The following COL11A1 variants were observed in gnomAD, a reference collection of about 807,000 sequenced individuals.
COL11A1 encodes the protein collagen alpha-1(XI) chain.
Under a neutral mutation model 265.2 loss-of-function variants are expected in COL11A1, and 74 were observed. That is an observed-to-expected ratio of 0.28 (90% CI 0.23 to 0.34). COL11A1 has a LOEUF of 0.34. COL11A1 is among the 10% of genes least tolerant of loss of function. The pLI is 1.00. For missense variants in COL11A1, 2,165 were observed against 2,263.6 expected, an observed-to-expected ratio of 0.96 and a Z score of 0.88; for synonymous variants, 816 against 727.6, an observed-to-expected ratio of 1.12 and a Z score of -1.96.
chr1:102,955,598 C>A (rs1660298140), intron 41 of COL11A1, among the ~76,000 whole-genome samples: 1 of 152,022 alleles, frequency 6.6e-6, no homozygotes, highest in South Asian at 2.1e-4. Flanking sequence ...AGATAAATAA[C>A]TGTTGTTAAT....
In COL11A1 at chr1:102,878,475, CATATATATAT is replaced by C. The variant is rs57574729; in HGVS notation, c.5275-320_5275-311del. 1.9e-3 allele frequency among the ~76,000 whole-genome samples: 95 copies of C among 49,876 alleles called. 2 individuals carry two copies. The highest frequency in any genetic ancestry group is 4.6e-3 in the African/African-American group (84 of 18,204). 32.7% of individuals were successfully genotyped at this position (49,876 alleles called of 152,430 possible). A position where few individuals can be genotyped will look rare whatever the true frequency, so the allele number is the denominator to read the frequency against. ...AAAATTGATGTTGGTATTGAATCCT[CATATATATAT>C]ATATATATATATATATATTCTTTTT... On this transcript the variant is annotated intron_variant, in intron 66 of 66. Transcript: ENST00000370096.
At chr1:103,092,791 G>A (rs570299199) in intron 1 of COL11A1, among the ~76,000 whole-genome samples, 1 of 152,056 alleles carries the variant, frequency 6.6e-6, no homozygotes, top group Admixed American at 6.6e-5. Flanking sequence ...AAGCACCAGG[G>A]AACCTATCTG....
intron 42 of COL11A1, among the ~76,000 whole-genome samples, chr1:102,941,404 A>T (rs894303458): frequency 6.6e-6 from 1 of 152,110 alleles, no homozygotes; most frequent in African/African-American, 2.4e-5. Flanking sequence ...CATGTTACCT[A>T]CATTCTTAGG....
intron 47 of COL11A1, among the ~76,000 whole-genome samples, chr1:102,922,222 T>C (rs1053557719): frequency 3.3e-5 from 5 of 152,200 alleles, no homozygotes; most frequent in African/African-American, 1.2e-4. Flanking sequence ...TTAGTATTTT[T>C]AAAAGATCTC....
intron 4 of COL11A1, among the ~76,000 whole-genome samples, chr1:103,037,020 A>ACTATT (rs1668424897): frequency 1.4e-5 from 2 of 142,674 alleles, no homozygotes; most frequent in South Asian, 4.3e-4. Context: ...AAAGGATCTC[A>ACTATT]CTATTTTTTT....
intron 4 of COL11A1, among the ~76,000 whole-genome samples, chr1:103,062,960 A>G (rs1008449118): frequency 6.6e-6 from 1 of 152,036 alleles, no homozygotes; most frequent in Non-Finnish European, 1.5e-5. Flanking sequence ...TTATCACTCA[A>G]CACTATTTAC....
At chr1:103,053,687 T>C (rs1670009466) in intron 4 of COL11A1, among the ~76,000 whole-genome samples, 5 of 152,296 alleles carry the variant, frequency 3.3e-5, no homozygotes, top group Admixed American at 6.5e-5. Context: ...TGTCTACTCT[T>C]ATACAAGTGG....
intron 54 of COL11A1, among the ~76,000 whole-genome samples, chr1:102,900,817 TA>T (rs1046368458): frequency 3.3e-5 from 5 of 152,196 alleles, no homozygotes; most frequent in Non-Finnish European, 5.9e-5. Flanking sequence ...TCTGTCATAG[TA>T]AAAATTTTAT....
At chr1:103,006,631 A>G (rs1665650791) in intron 15 of COL11A1, among the ~76,000 whole-genome samples, 3 of 130,108 alleles carry the variant, frequency 2.3e-5, no homozygotes, top group Non-Finnish European at 4.6e-5. Flanking sequence ...TCTGCCTCCC[A>G]GGTTCACACC....
At chr1:102,932,738 G>A (rs1298037197) in intron 46 of COL11A1, among the ~76,000 whole-genome samples, 13 of 150,982 alleles carry the variant, frequency 8.6e-5, no homozygotes, top group African/African-American at 1.9e-4. Context: ...CCAATCAGAC[G>A]TAGATTTGGT....
chr1:102,977,048 G>A (rs10874669), intron 35 of COL11A1, among the ~76,000 whole-genome samples: 13,078 of 152,012 alleles, frequency 0.086, 673 homozygotes, highest in African/African-American at 0.14. Flanking sequence ...TAAATATAAT[G>A]ATCATGAGAG....
chr1:102,891,128 G>T (rs1246616461), intron 57 of COL11A1, among the ~76,000 whole-genome samples: 1 of 151,932 alleles, frequency 6.6e-6, no homozygotes, highest in Non-Finnish European at 1.5e-5. Flanking sequence ...TCTGAATTCT[G>T]ATCTCAATTC....
chr1:103,029,833 A>G (rs1040104621), intron 5 of COL11A1, among the ~76,000 whole-genome samples: 6 of 152,032 alleles, frequency 3.9e-5, no homozygotes, highest in Non-Finnish European at 7.4e-5. Flanking sequence ...TACCTGACAT[A>G]ATAGCATTAC....
At chr1:103,098,355 A>G (rs955485006) in intron 1 of COL11A1, among the ~76,000 whole-genome samples, 2 of 151,834 alleles carry the variant, frequency 1.3e-5, no homozygotes, top group African/African-American at 2.4e-5. Context: ...ATACATTTCT[A>G]TTTATTTATA....
Position 102,881,746 on chromosome 1 carries a change from G to T in COL11A1, c.4991C>A (p.Pro1664Gln), listed in dbSNP as rs1650268405. Residue 1664 changes from proline to glutamine, a missense_variant, in exon 65 of 67, where the codon CCA becomes CAA. Transcript: ENST00000370096. ...KSEGVRISSW[P>Q]KEKPGSWFSE... ...AAACCAACTTCCTGGTTTCTCCTTT[G>T]GCCATGATGAAATTCTTACCTGTTG... is the stretch of plus-strand genomic sequence containing the variant. The T allele has an allele frequency of 2.5e-6, 4 of 1,612,394 alleles. No individual in the cohort carries two copies. The highest frequency in any genetic ancestry group is 3.4e-6 in the Non-Finnish European group (4 of 1,179,054).
At chr1:102,932,579 T>C (rs12732570) in intron 46 of COL11A1, among the ~76,000 whole-genome samples, 2 of 152,250 alleles carry the variant, frequency 1.3e-5, no homozygotes, top group African/African-American at 2.4e-5. Context: ...CTTGGAGTTG[T>C]TCTTCTCGTG....
chr1:103,069,527 C>A (rs140756469), intron 4 of COL11A1, among the ~76,000 whole-genome samples: 1,850 of 151,372 alleles, frequency 0.012, 40 homozygotes, highest in African/African-American at 0.041. Flanking sequence ...GAGTGTCAAA[C>A]ATAACAACAA....
intron 15 of COL11A1, among the ~76,000 whole-genome samples, chr1:103,007,827 A>C (rs1362615096): frequency 7.0e-6 from 1 of 142,306 alleles, no homozygotes; most frequent in South Asian, 2.2e-4. Context: ...GCCACTGCAC[A>C]CTCCAGCCTG....
chr1:102,877,956 C>CA lies in COL11A1; in HGVS notation c.*62dup. On this transcript the variant is annotated 3_prime_UTR_variant, in exon 67 of 67. Transcript: ENST00000370096. ...CCTTATTCAAAACTTGCATGTGGCA[C>CA]AAAATGGGTTGGTGGCACCAAGGTA... 6.4e-7 allele frequency: 1 copy of CA among 1,569,634 alleles called. No homozygotes were observed. Among genetic ancestry groups the CA allele is most frequent in the Non-Finnish European group, 8.8e-7 (1 of 1,140,972 alleles).
Sources: allele counts gnomAD v4.1 joint callset (sites outside exome capture counted in the v4.1 genomes callset), GRCh38; gene constraint gnomAD v4.1.1; transcripts MANE v1.5; gene names NCBI Gene and HGNC (gene_info 2026-07-23, HGNC 2026-07-21).